Variants in RFX2 observed in about 807,000 individuals in gnomAD.
The protein encoded by RFX2 is DNA-binding protein RFX2.
RFX2 carries 20 observed loss-of-function variants against 87.8 expected under a neutral mutation model. The ratio of observed to expected loss-of-function variants is 0.23; its 90% CI spans 0.16 to 0.33. The LOEUF (loss-of-function observed/expected upper bound fraction) is 0.33, where lower values mean the gene tolerates loss of function less well. RFX2 is among the 10% of genes least tolerant of loss of function. The pLI is 1.00. For missense variants in RFX2, 767 were observed against 1,012.3 expected (o/e 0.76, Z 3.29); for synonymous variants, 397 against 431.3 (o/e 0.92, Z 0.98).
At position 6,106,313 on chromosome 19, in the gene RFX2, G is replaced by A. The variant is rs536216030; in HGVS notation, c.-9+4080C>T. The stretch of plus-strand genomic sequence containing the variant: ...CTACACCAGGCATATGTCTACATGA[G>A]AGAACATGAGAACATGACCAGCAGA... On this transcript the variant is annotated intron_variant, in intron 1 of 17. Coordinates refer to ENST00000303657, the MANE Select transcript of RFX2 (RefSeq NM_000635.4). Among the ~76,000 whole-genome samples the A allele has an allele frequency of 2.0e-5, 3 of 152,142 alleles. No individual in the cohort carries two copies. The East Asian group carries it at 5.8e-4, about 29-fold the overall frequency.
chr19:6,100,828 T>C (rs2088112757), intron 1 of RFX2, among the ~76,000 whole-genome samples: 1 of 151,024 alleles, frequency 6.6e-6, no homozygotes, highest in Admixed American at 6.6e-5. Context: ...TTGAATTATA[T>C]TGATTTAATT....
chr19:6,003,865 T>G (rs1189808308), intron 13 of RFX2, among the ~76,000 whole-genome samples: 1 of 151,008 alleles, frequency 6.6e-6, no homozygotes, highest in Non-Finnish European at 1.5e-5. Context: ...CGGCCAAGGT[T>G]CTACATTTCA....
At chr19:6,106,813 A>T (rs1438868834) in intron 1 of RFX2, among the ~76,000 whole-genome samples, 1 of 148,038 alleles carries the variant, frequency 6.8e-6, no homozygotes, top group Non-Finnish European at 1.5e-5. Flanking sequence ...TTTATATTTA[A>T]ATTTTATTAT....
chr19:5,997,375 C>T lies in RFX2; in HGVS notation c.1860-162G>A, dbSNP rs994916125. The T allele has an allele frequency of 3.8e-6, 3 of 795,024 alleles. No individual in the cohort carries two copies. The Admixed American group carries it at 9.2e-5, about 24-fold the overall frequency. The allele number at this position is 795,024 out of a possible 1,614,324, so 49.2% of individuals were successfully genotyped here. A position where few individuals can be genotyped will look rare whatever the true frequency, so the allele number is the denominator to read the frequency against. On this transcript the variant is annotated intron_variant, in intron 15 of 17. Transcript: ENST00000303657. This position sits in a 1 kb window ranked among gnomAD's most constrained non-coding sequence, Gnocchi z 4.2. The stretch of plus-strand genomic sequence containing the variant: ...GCAGGCCTACGCGGGGGCTGACGGG[C>T]TGCCGAGACCCTGGGCCCACGTGAC...
rs1012925007 is a variant in RFX2, at chr19:6,017,547, C to T, written c.598-1276G>A. Among the ~76,000 whole-genome samples the T allele has an allele frequency of 6.6e-6, 1 of 152,244 alleles. No individual in the cohort carries two copies. The highest frequency in any genetic ancestry group is 2.4e-5 in the African/African-American group (1 of 41,466). On this transcript the variant is annotated intron_variant, in intron 6 of 17. Coordinates refer to ENST00000303657, the MANE Select transcript of RFX2 (RefSeq NM_000635.4). This position sits in a 1 kb window ranked among gnomAD's most constrained non-coding sequence, Gnocchi z 4.1. ...GCGATTTGCAGAAAGACAGGAATTC[C>T]ACGCACAGAAGCGAGGCCCGAGTCC... is the stretch of plus-strand genomic sequence containing the variant.
rs74973635 is a variant in RFX2 at position 6,093,483 on chromosome 19, C to G, written c.-9+16910G>C. ...CCGGGAGGCAGAGGTTGCAGTGAGC[C>G]GGGATTGTGCCACTGCACTCCAGCC... On this transcript the variant is annotated intron_variant, in intron 1 of 17. Coordinates refer to ENST00000303657, the MANE Select transcript of RFX2 (RefSeq NM_000635.4). Among the ~76,000 whole-genome samples, 686 of 152,110 alleles carry G rather than the reference C, an allele frequency of 4.5e-3. 8 individuals carry two copies. In the East Asian group the frequency reaches 0.07, roughly 16 times the overall value.
In RFX2 at chr19:5,998,335, T is replaced by C. The variant is rs1445248938; in HGVS notation, c.1860-1122A>G. ...AAAAAAAGAATGAAGTGGAACAATG[T>C]CTCAGTCCTCCTATAAGACCTAAAG... On this transcript the variant is annotated intron_variant, in intron 15 of 17. Transcript: ENST00000303657. The surrounding 1 kb of genome is among the most constrained non-coding windows in gnomAD (Gnocchi z 4.2). Among the ~76,000 whole-genome samples, 1 of 152,138 alleles carries C rather than the reference T, an allele frequency of 6.6e-6. No homozygotes were observed. Among genetic ancestry groups the C allele is most frequent in the African/African-American group, 2.4e-5 (1 of 41,422 alleles).
chr19:6,095,123 T>C (rs2088002880), intron 1 of RFX2, among the ~76,000 whole-genome samples: 1 of 151,986 alleles, frequency 6.6e-6, no homozygotes, highest in African/African-American at 2.4e-5. Context: ...AATAAATAAA[T>C]AAATAAAAAC....
intron 1 of RFX2, among the ~76,000 whole-genome samples, chr19:6,084,639 C>CTTTTTTTTT (rs1189568545): frequency 1.6e-5 from 2 of 122,940 alleles, no homozygotes; most frequent in African/African-American, 9.4e-5. Flanking sequence ...TTCTTTCTTT[C>CTTTTTTTTT]TTTCTTTTTT....
intron 1 of RFX2, among the ~76,000 whole-genome samples, chr19:6,070,160 A>G (rs1190484974): frequency 1.6e-4 from 2 of 12,854 alleles, no homozygotes; most frequent in East Asian, 2.6e-3. Context: ...TGTGGATGGG[A>G]TGGGATGTGA....
chr19:6,070,124 T>TGGAAA (rs2087580185), intron 1 of RFX2, among the ~76,000 whole-genome samples: 2 of 33,398 alleles, frequency 6.0e-5, no homozygotes, highest in African/African-American at 1.3e-4. Context: ...TGGGATGGGA[T>TGGAAA]GGGATGTGGA....
rs571457142 is a variant in RFX2 at position 6,091,066 on chromosome 19, C to T, written c.-9+19327G>A. ...GGGGCTGGGAGTAGGGGACTGTGAT[C>T]GACTTCTAATAGGTATGGAGTTTCT... On this transcript the variant is annotated intron_variant, in intron 1 of 17. Coordinates refer to ENST00000303657, the MANE Select transcript of RFX2 (RefSeq NM_000635.4). 3.9e-5 allele frequency among the ~76,000 whole-genome samples: 6 copies of T among 152,182 alleles called. No individual in the cohort carries two copies. The South Asian group carries it at 6.2e-4, about 16-fold the overall frequency.
At chr19:5,995,955 C>T (rs1323628443) in intron 16 of RFX2, among the ~76,000 whole-genome samples, 1 of 152,194 alleles carries the variant, frequency 6.6e-6, no homozygotes, top group South Asian at 2.1e-4. Context: ...ATGGAAGAGC[C>T]GTGGGCCAAA....
intron 7 of RFX2, 113 bp downstream of exon 7, chr19:6,015,977 T>G: frequency 1.0e-6 from 1 of 996,916 alleles, no homozygotes; most frequent in South Asian, 1.8e-5. Context: ...ACTCCAGAGG[T>G]GGCTGCGAAT....
rs138320736 is a variant in RFX2, at chr19:6,016,317, C to T, written c.598-46G>A. On this transcript the variant is annotated intron_variant, in intron 6 of 17. Transcript: ENST00000303657. The surrounding 1 kb of genome is among the most constrained non-coding windows in gnomAD (Gnocchi z 5.4). ...CTGCGTTTGTCAGAAGCCTGAGGAA[C>T]GCTAACATGCCAACGTGGACTCATT... The T allele has an allele frequency of 3.3e-3, 4,739 of 1,433,698 alleles. 12 individuals are homozygous for T. The highest frequency in any genetic ancestry group is 3.5e-3 in the Non-Finnish European group (3,694 of 1,041,512). 88.8% of individuals were successfully genotyped at this position (1,433,698 alleles called of 1,614,324 possible).
intron 17 of RFX2, 30 bp from the exon 18 acceptor site, chr19:5,994,980 A>G (rs372149721): frequency 4.5e-6 from 7 of 1,541,678 alleles, no homozygotes; most frequent in Non-Finnish European, 6.2e-6. Flanking sequence ...GTCAGTGTCC[A>G]TCATCAGGAG....
intron 9 of RFX2, among the ~76,000 whole-genome samples, chr19:6,009,493 C>A (rs551289527): frequency 6.0e-4 from 91 of 152,310 alleles, no homozygotes; most frequent in African/African-American, 2.0e-3. Flanking sequence ...AGAAGCACCC[C>A]AAAAGCTCCA....
chr19:6,013,195 T>C lies in RFX2; in HGVS notation c.780-90A>G. ...GATTCTTTTTCTTTCTTTCTTCTTTTTTTTTTTTGAGACAGAATCTCATTC... is the reference window on the plus strand; with the variant it reads ...GATTCTTTTTCTTTCTTTCTTCTTTCTTTTTTTTGAGACAGAATCTCATTC... On this transcript the variant is annotated intron_variant, in intron 7 of 17. Transcript: ENST00000303657. The surrounding 1 kb of genome is among the most constrained non-coding windows in gnomAD (Gnocchi z 4.1). The C allele has an allele frequency of 7.4e-7, 1 of 1,345,922 alleles. No homozygotes were observed. The highest frequency in any genetic ancestry group is 1.6e-5 in the South Asian group (1 of 61,810). 83.4% of individuals were successfully genotyped at this position (1,345,922 alleles called of 1,614,324 possible).
intron 1 of RFX2, among the ~76,000 whole-genome samples, chr19:6,069,825 G>T (rs1423067153): frequency 6.6e-6 from 1 of 152,186 alleles, no homozygotes; most frequent in Non-Finnish European, 1.5e-5. Context: ...GCTCTTTTGA[G>T]GAATTTTTGC....
Sources: gnomAD v4.1 joint callset for allele counts (sites outside exome capture counted in the v4.1 genomes callset) on GRCh38, gnomAD v4.1.1 for gene constraint, Gnocchi (gnomAD v3.1) non-coding constraint, MANE v1.5 for transcripts, NCBI Gene and HGNC (gene_info 2026-07-23, HGNC 2026-07-21) for gene names.